The following MND1 variants were observed in gnomAD, a reference collection of about 807,000 sequenced individuals.
MND1 encodes the protein meiotic nuclear divisions 1.
Under a neutral mutation model 35.1 loss-of-function variants are expected in MND1, and 28 were observed. The ratio of observed to expected loss-of-function variants is 0.80; its 90% CI spans 0.59 to 1.09. The LOEUF is 1.09. Ranked by LOEUF, MND1 falls within the 50% of genes least tolerant of loss-of-function variation. The pLI, the probability that MND1 is intolerant of heterozygous loss-of-function variation, is 0.00. For missense variants in MND1, 213 were observed against 239.6 expected (o/e 0.89, Z 0.73); for synonymous variants, 69 against 70.5 (o/e 0.98, Z 0.11).
At chr4:153,408,144 C>T (rs1330597566) in intron 6 of MND1, among the ~76,000 whole-genome samples, 1 of 152,056 alleles carries the variant, frequency 6.6e-6, no homozygotes, top group Non-Finnish European at 1.5e-5. Flanking sequence ...GTGGCGCATG[C>T]GTGTAGTCTC....
At chr4:153,360,905 A>C (rs974996779) in intron 4 of MND1, among the ~76,000 whole-genome samples, 1 of 152,072 alleles carries the variant, frequency 6.6e-6, no homozygotes, top group African/African-American at 2.4e-5. Flanking sequence ...AGTGTCGCAA[A>C]CATGGCTCAC....
chr4:153,345,709 C>G (rs1561051297), intron 1 of MND1, among the ~76,000 whole-genome samples: 1 of 152,178 alleles, frequency 6.6e-6, no homozygotes. Flanking sequence ...ACACCAGGAT[C>G]CAGTTGTATG....
At chr4:153,410,722 G>A (rs1013047605) in intron 7 of MND1, among the ~76,000 whole-genome samples, 1 of 152,194 alleles carries the variant, frequency 6.6e-6, no homozygotes, top group Non-Finnish European at 1.5e-5. Context: ...CGGGCGTGGT[G>A]GCTCATGCCC....
chr4:153,363,031 C>G (rs1388029127), intron 4 of MND1: 1 of 984,980 alleles, frequency 1.0e-6, no homozygotes, highest in Non-Finnish European at 1.2e-6. Context: ...TGGAGGTAAG[C>G]TCCTTGTTAT....
intron 5 of MND1, 24 bp downstream of exon 5, chr4:153,394,360 T>A: frequency 6.3e-7 from 1 of 1,579,000 alleles, no homozygotes; most frequent in East Asian, 2.3e-5. Context: ...TATAGATTAT[T>A]TTAATAATGG....
chr4:153,374,358 C>G (rs897941008), intron 4 of MND1, among the ~76,000 whole-genome samples: 12 of 152,200 alleles, frequency 7.9e-5, no homozygotes, highest in Middle Eastern at 3.4e-3. Context: ...GAACTTGTAA[C>G]CTGTGCTGAA....
intron 6 of MND1, among the ~76,000 whole-genome samples, chr4:153,400,474 G>C (rs1414988375): frequency 5.3e-5 from 8 of 152,198 alleles, no homozygotes; most frequent in African/African-American, 1.7e-4. Flanking sequence ...GATAGCTTTA[G>C]GCTAGGAGTT....
chr4:153,379,522 G>A (rs546011553), intron 4 of MND1, among the ~76,000 whole-genome samples: 2 of 151,662 alleles, frequency 1.3e-5, no homozygotes, highest in African/African-American at 4.8e-5. Context: ...GACCGTGATA[G>A]CAAGCCTCAT....
intron 4 of MND1, among the ~76,000 whole-genome samples, chr4:153,382,328 T>C (rs1457586006): frequency 6.6e-6 from 1 of 152,214 alleles, no homozygotes; most frequent in Non-Finnish European, 1.5e-5. Flanking sequence ...CTCTAACACT[T>C]TGGTTTACCA....
At chr4:153,355,218 G>A (rs1286085385) in intron 2 of MND1, among the ~76,000 whole-genome samples, 1 of 151,972 alleles carries the variant, frequency 6.6e-6, no homozygotes, top group African/African-American at 2.4e-5. Flanking sequence ...AATCTCTTAA[G>A]TTCTATTGAA....
chr4:153,361,950 A>G (rs1009993963), intron 4 of MND1, among the ~76,000 whole-genome samples: 3 of 151,906 alleles, frequency 2.0e-5, no homozygotes, highest in African/African-American at 7.3e-5. Flanking sequence ...TCTATCGTCT[A>G]TGTTGTTTAA....
At chr4:153,407,866 G>A (rs2149659400) in intron 6 of MND1, among the ~76,000 whole-genome samples, 1 of 152,272 alleles carries the variant, frequency 6.6e-6, no homozygotes, top group African/African-American at 2.4e-5. Context: ...GCCAGGGGAC[G>A]GAGGGAGAAG....
chr4:153,388,248 G>C (rs940107119), intron 4 of MND1, among the ~76,000 whole-genome samples: 1 of 152,178 alleles, frequency 6.6e-6, no homozygotes, highest in Non-Finnish European at 1.5e-5. Flanking sequence ...CCAGCACTTT[G>C]GGAGGACAAG....
intron 4 of MND1, among the ~76,000 whole-genome samples, chr4:153,393,368 C>CTTT (rs60689772): frequency 1.3e-4 from 16 of 125,324 alleles, no homozygotes; most frequent in African/African-American, 3.2e-4. Context: ...CAATTTCTTT[C>CTTT]TTTTTTTTTT....
At chr4:153,405,687 A>T (rs981745148) in intron 6 of MND1, among the ~76,000 whole-genome samples, 1 of 152,234 alleles carries the variant, frequency 6.6e-6, no homozygotes, top group Non-Finnish European at 1.5e-5. Context: ...GCACAACTGG[A>T]TATCCACATG....
chr4:153,360,602 GTGTGTA>G (rs1400696498), intron 4 of MND1, among the ~76,000 whole-genome samples: 2 of 145,546 alleles, frequency 1.4e-5, no homozygotes, highest in African/African-American at 5.1e-5. Flanking sequence ...GTGTGTGTGT[GTGTGTA>G]TATATATATA....
chr4:153,373,893 GA>G (rs920248630), intron 4 of MND1, among the ~76,000 whole-genome samples: 52 of 152,150 alleles, frequency 3.4e-4, no homozygotes, highest in Admixed American at 8.5e-4. Context: ...TGGATGTTGA[GA>G]AGTCATGAGA....
At chr4:153,348,663 T>G (rs11735127) in intron 1 of MND1, among the ~76,000 whole-genome samples, 42,404 of 152,004 alleles carry the variant, frequency 0.28, 6,002 homozygotes, top group South Asian at 0.34. Flanking sequence ...TTGTTTTTTT[T>G]TGTGTGTGTG....
At chr4:153,363,910 C>T (rs373205034) in intron 4 of MND1, among the ~76,000 whole-genome samples, 1 of 152,156 alleles carries the variant, frequency 6.6e-6, no homozygotes, top group East Asian at 1.9e-4. Context: ...ATTGAGGTAT[C>T]TGCACACTCA....
Sources: gnomAD v4.1 joint callset for allele counts (sites outside exome capture counted in the v4.1 genomes callset) on GRCh38, gnomAD v4.1.1 for gene constraint, MANE v1.5 for transcripts, NCBI Gene and HGNC (gene_info 2026-07-23, HGNC 2026-07-21) for gene names.